The following SPON1 variants were observed in gnomAD, a reference collection of about 807,000 sequenced individuals.
SPON1 encodes the protein spondin-1.
Under a neutral mutation model 111.7 loss-of-function variants are expected in SPON1, and 52 were observed. The ratio of observed to expected loss-of-function variants is 0.47; its 90% CI spans 0.37 to 0.59. The LOEUF (loss-of-function observed/expected upper bound fraction) is 0.59, where lower values mean the gene tolerates loss of function less well. Ranked by LOEUF, SPON1 falls within the 20% of genes least tolerant of loss-of-function variation. SPON1 has a pLI of 0.00. For synonymous variants in SPON1, 410 were observed against 395.8 expected (o/e 1.04, Z -0.43); for missense variants, 957 against 1,068.5 (o/e 0.90, Z 1.46).
rs781887290 is a variant in SPON1, at chr11:14,259,390, G to A, written c.1603G>A (p.Gly535Ser). 3 of 1,611,694 alleles carry A rather than the reference G, an allele frequency of 1.9e-6. No homozygotes were observed. The highest frequency in any genetic ancestry group is 1.1e-5 in the South Asian group (1 of 90,292). The change falls in exon 12 of 16, where the codon GGC becomes AGC. Residue 535 changes from glycine to serine, a missense_variant. Physicochemically the swap from Gly to Ser is moderately conservative, Grantham distance 56 (BLOSUM62 0). Coordinates refer to ENST00000576479, the MANE Select transcript of SPON1 (RefSeq NM_006108.4). This position sits in a 1 kb window ranked among gnomAD's most constrained non-coding sequence, Gnocchi z 5.0. ...GTATGTGAAGCAGTTCCCGGAGGAC[G>A]GCTCCGTGTGCACGCTGCCCACTGA... ...ERYVKQFPEDGSVCTLPTEET... is the reference protein window; with the variant it reads ...ERYVKQFPEDSSVCTLPTEET...
At chr11:14,121,389 T>C (rs1847388097) in intron 5 of SPON1, among the ~76,000 whole-genome samples, 1 of 152,170 alleles carries the variant, frequency 6.6e-6, no homozygotes, top group Non-Finnish European at 1.5e-5. Context: ...TGTTCAAATG[T>C]GGGAATAGAG....
intron 2 of SPON1, among the ~76,000 whole-genome samples, chr11:14,030,273 C>G (rs1015263534): frequency 6.6e-6 from 1 of 152,240 alleles, no homozygotes; most frequent in African/African-American, 2.4e-5. Flanking sequence ...AGGGCGCCTA[C>G]GCATCTTGGC....
intron 5 of SPON1, among the ~76,000 whole-genome samples, chr11:14,085,843 C>G (rs543004065): frequency 3.3e-5 from 5 of 152,196 alleles, no homozygotes; most frequent in African/African-American, 1.2e-4. Context: ...GTTTGTAGTT[C>G]TCCTTGAAGA....
At chr11:14,071,258 A>G (rs1393142639) in intron 3 of SPON1, among the ~76,000 whole-genome samples, 6 of 152,178 alleles carry the variant, frequency 3.9e-5, no homozygotes, top group Admixed American at 3.9e-4. Context: ...CAAATGAGGA[A>G]TAAATAGAAA....
At chr11:14,071,760 G>A (rs1471092770) in intron 3 of SPON1, among the ~76,000 whole-genome samples, 1 of 151,994 alleles carries the variant, frequency 6.6e-6, no homozygotes, top group Non-Finnish European at 1.5e-5. Flanking sequence ...CATCCAGGCT[G>A]GAGTTCAGTG....
At chr11:14,204,712 T>G (rs1591410376) in intron 6 of SPON1, among the ~76,000 whole-genome samples, 2 of 53,268 alleles carry the variant, frequency 3.8e-5, no homozygotes, top group East Asian at 7.1e-4. Flanking sequence ...TGTTTTTGGT[T>G]TTTTTTTTGT....
intron 6 of SPON1, among the ~76,000 whole-genome samples, chr11:14,141,029 C>CGCCCCCA (rs71041572): frequency 3.0e-5 from 4 of 132,368 alleles, no homozygotes; most frequent in African/African-American, 1.1e-4. Flanking sequence ...GTGCCCCCCC[C>CGCCCCCA]ATGCCCCACT....
chr11:13,980,664 A>C (rs1848137316), intron 1 of SPON1, among the ~76,000 whole-genome samples: 2 of 152,218 alleles, frequency 1.3e-5, no homozygotes, highest in Non-Finnish European at 2.9e-5. Flanking sequence ...GGAATTTGGA[A>C]GACTAAATGC....
At chr11:14,003,236 C>T (rs148119990) in intron 2 of SPON1, among the ~76,000 whole-genome samples, 207 of 152,220 alleles carry the variant, frequency 1.4e-3, no homozygotes, top group Admixed American at 2.7e-3. Context: ...AACACACTAT[C>T]CTGAAGTGGG....
intron 6 of SPON1, among the ~76,000 whole-genome samples, chr11:14,238,647 T>G (rs1392728372): frequency 6.6e-6 from 1 of 152,192 alleles, no homozygotes; most frequent in Non-Finnish European, 1.5e-5. Flanking sequence ...TCTGTTTTCA[T>G]TCCACATGAA....
At chr11:14,104,541 C>G (rs1385295425) in intron 5 of SPON1, among the ~76,000 whole-genome samples, 1 of 151,668 alleles carries the variant, frequency 6.6e-6, no homozygotes, top group African/African-American at 2.4e-5. Context: ...TTTGTTCTTC[C>G]CTACTCTGTT....
chr11:14,078,365 C>G (rs1848934568), intron 4 of SPON1, among the ~76,000 whole-genome samples: 1 of 152,096 alleles, frequency 6.6e-6, no homozygotes, highest in Non-Finnish European at 1.5e-5. Context: ...TTTGTAGAGA[C>G]TATTGCTGCC....
intron 10 of SPON1, among the ~76,000 whole-genome samples, chr11:14,257,514 A>T (rs1447963625): frequency 1.3e-5 from 2 of 152,210 alleles, no homozygotes; most frequent in African/African-American, 4.8e-5. Flanking sequence ...CTGCTTATTT[A>T]GATTAGATAT....
chr11:14,229,383 T>C (rs1275838993), intron 6 of SPON1, among the ~76,000 whole-genome samples: 1 of 151,978 alleles, frequency 6.6e-6, no homozygotes, highest in Admixed American at 6.6e-5. Context: ...GACAGAAGGA[T>C]CCAATGCAAA....
chr11:13,963,465 G>C (rs1847991431), intron 1 of SPON1, among the ~76,000 whole-genome samples: 1 of 152,214 alleles, frequency 6.6e-6, no homozygotes, highest in Non-Finnish European at 1.5e-5. Context: ...TCCCCCGGCC[G>C]TCTGCAGGAG....
intron 6 of SPON1, among the ~76,000 whole-genome samples, chr11:14,177,929 A>G (rs527716254): frequency 6.6e-6 from 1 of 152,240 alleles, no homozygotes; most frequent in African/African-American, 2.4e-5. Flanking sequence ...AAGAATTCCA[A>G]AAGTATTTCA....
At chr11:14,170,110 AT>A (rs1554932286) in intron 6 of SPON1, among the ~76,000 whole-genome samples, 3 of 152,200 alleles carry the variant, frequency 2.0e-5, no homozygotes, top group Admixed American at 2.0e-4. Context: ...CATGATATTT[AT>A]TCTTCCTACC....
At chr11:13,979,417 C>T (rs566795827) in intron 1 of SPON1, among the ~76,000 whole-genome samples, 1 of 152,298 alleles carries the variant, frequency 6.6e-6, no homozygotes, top group Admixed American at 6.5e-5. Flanking sequence ...AGAACTTCAA[C>T]ATATCTTAAA....
At chr11:14,171,233 G>A (rs1554932426) in intron 6 of SPON1, among the ~76,000 whole-genome samples, 2 of 152,172 alleles carry the variant, frequency 1.3e-5, no homozygotes, top group Admixed American at 1.3e-4. Context: ...GAGAGTGTAT[G>A]TGTCCAGGAA....
Sources: gnomAD v4.1 joint callset for allele counts (sites outside exome capture counted in the v4.1 genomes callset) on GRCh38, gnomAD v4.1.1 for gene constraint, Gnocchi (gnomAD v3.1) non-coding constraint, MANE v1.5 for transcripts, NCBI Gene and HGNC (gene_info 2026-07-23, HGNC 2026-07-21) for gene names.